The following PRKACB variants were observed in gnomAD, a reference collection of about 807,000 sequenced individuals.
PRKACB encodes the protein cAMP-dependent protein kinase catalytic subunit beta.
PRKACB carries 16 observed loss-of-function variants against 51.4 expected under a neutral mutation model. The observed-to-expected ratio is 0.31, with a 90% CI of 0.21 to 0.47. The LOEUF is 0.47. PRKACB is among the 20% of genes least tolerant of loss of function. The pLI is 1.00. For synonymous variants in PRKACB, 147 were observed against 154.4 expected (o/e 0.95, Z 0.35); for missense variants, 309 against 464.5 (o/e 0.67, Z 3.08).
chr1:84,197,849 A>G (rs1413820297), intron 7 of PRKACB, 25 bp downstream of exon 7: 5 of 1,512,096 alleles, frequency 3.3e-6, no homozygotes, highest in South Asian at 2.3e-5. Flanking sequence ...TCAACACATA[A>G]GAAGTAGAAA....
chr1:84,171,816 T>C (rs1659577900), intron 1 of PRKACB, among the ~76,000 whole-genome samples: 2 of 151,570 alleles, frequency 1.3e-5, no homozygotes, highest in Non-Finnish European at 3.0e-5. Context: ...TAACAGAATC[T>C]GGCAAGATTG....
At chr1:84,161,448 A>G (rs1321922132) in intron 1 of PRKACB, among the ~76,000 whole-genome samples, 1 of 151,760 alleles carries the variant, frequency 6.6e-6, no homozygotes, top group African/African-American at 2.4e-5. Flanking sequence ...TGTTTCTTCC[A>G]TTCATAGTTA....
chr1:84,212,089 C>T (rs1672218450), intron 8 of PRKACB, among the ~76,000 whole-genome samples: 1 of 152,048 alleles, frequency 6.6e-6, no homozygotes, highest in Non-Finnish European at 1.5e-5. Flanking sequence ...ATTTACAGTA[C>T]TGTATTATTT....
chr1:84,100,737 C>T (rs1268455202), intron 1 of PRKACB, among the ~76,000 whole-genome samples: 1 of 152,188 alleles, frequency 6.6e-6, no homozygotes, highest in Non-Finnish European at 1.5e-5. Flanking sequence ...TAGAGTATTA[C>T]ATAGCTTTTT....
intron 1 of PRKACB, among the ~76,000 whole-genome samples, chr1:84,100,213 A>T (rs1468676760): frequency 6.6e-6 from 1 of 152,146 alleles, no homozygotes; most frequent in African/African-American, 2.4e-5. Context: ...AAACTGTCAG[A>T]TCTCGTGAGA....
intron 1 of PRKACB, among the ~76,000 whole-genome samples, chr1:84,125,315 C>G (rs1166713253): frequency 6.6e-6 from 1 of 152,180 alleles, no homozygotes; most frequent in Non-Finnish European, 1.5e-5. Flanking sequence ...GTGTGCTGAT[C>G]ATTCTCACAC....
intron 9 of PRKACB, among the ~76,000 whole-genome samples, chr1:84,224,794 G>C (rs929710435): frequency 2.6e-5 from 4 of 152,202 alleles, no homozygotes; most frequent in African/African-American, 9.7e-5. Context: ...GCCAGAAGCA[G>C]CAAGCAGGGT....
intron 1 of PRKACB, chr1:84,086,267 A>G (rs916354463): frequency 7.1e-5 from 101 of 1,414,792 alleles, no homozygotes; most frequent in Non-Finnish European, 9.9e-5. Context: ...CCTTGCCCCC[A>G]TGGGACCCCA....
intron 1 of PRKACB, chr1:84,157,188 T>C (rs909413994): frequency 7.9e-5 from 12 of 152,180 alleles, no homozygotes; most frequent in African/African-American, 2.9e-4. Flanking sequence ...TTACTTTAAT[T>C]ATCTCTGTTT....
Position 84,197,830 on chromosome 1 carries a change from T to G in PRKACB, c.783+6T>G, listed in dbSNP as rs1668625747. 1 of 1,575,380 alleles carries G rather than the reference T, an allele frequency of 6.3e-7. No homozygotes were observed. Among genetic ancestry groups the G allele is most frequent in the South Asian group, 1.1e-5 (1 of 89,670 alleles). ...CAGAAATAATTCTCAGCAAGGTATATTCATAATATCAACACATAAGAAGTA... is the reference window on the plus strand; with the variant it reads ...CAGAAATAATTCTCAGCAAGGTATAGTCATAATATCAACACATAAGAAGTA... On this transcript the variant is annotated splice_donor_region_variant and intron_variant, in intron 7 of 9. Transcript: ENST00000370685.
At chr1:84,179,077 G>A (rs1354850479) in intron 1 of PRKACB, 100 bp from the exon 2 acceptor site, 5 of 1,298,000 alleles carry the variant, frequency 3.9e-6, no homozygotes, top group Admixed American at 4.5e-5. Context: ...TAGATGACAT[G>A]TCTTTTTTTA....
intron 5 of PRKACB, among the ~76,000 whole-genome samples, chr1:84,194,699 G>A (rs1667715376): frequency 6.6e-6 from 1 of 152,110 alleles, no homozygotes. Flanking sequence ...GCTCAGGCAG[G>A]TGGATCACTT....
At chr1:84,093,740 C>T (rs957961078) in intron 1 of PRKACB, among the ~76,000 whole-genome samples, 1 of 151,824 alleles carries the variant, frequency 6.6e-6, no homozygotes, top group Non-Finnish European at 1.5e-5. Flanking sequence ...TTTAGATCTA[C>T]TTTAACTTCT....
intron 1 of PRKACB, among the ~76,000 whole-genome samples, chr1:84,126,083 T>TG (rs376277749): frequency 0.016 from 197 of 12,480 alleles, 1 homozygote; most frequent in African/African-American, 0.055. Flanking sequence ...TCCTGGGGGG[T>TG]GGGGGGGAGG....
intron 1 of PRKACB, among the ~76,000 whole-genome samples, chr1:84,136,922 A>C (rs1323868153): frequency 6.6e-6 from 1 of 152,180 alleles, no homozygotes; most frequent in African/African-American, 2.4e-5. Context: ...GAGGTAATTG[A>C]ATCATGGAGG....
intron 1 of PRKACB, among the ~76,000 whole-genome samples, chr1:84,119,000 A>G (rs970774748): frequency 6.6e-6 from 1 of 152,208 alleles, no homozygotes; most frequent in Admixed American, 6.6e-5. Context: ...TAATTTTTTA[A>G]GGTAACTTCA....
chr1:84,213,043 G>A (rs979308112), intron 8 of PRKACB, among the ~76,000 whole-genome samples: 2 of 152,136 alleles, frequency 1.3e-5, no homozygotes, highest in South Asian at 2.1e-4. Flanking sequence ...CACTTGTAGA[G>A]AAACAAAATA....
At chr1:84,222,409 A>G (rs947845947) in intron 9 of PRKACB, among the ~76,000 whole-genome samples, 1 of 152,108 alleles carries the variant, frequency 6.6e-6, no homozygotes, top group African/African-American at 2.4e-5. Context: ...TATCTGATTT[A>G]TTTACATTTA....
At chr1:84,234,562 C>T (rs374641319) in intron 9 of PRKACB, among the ~76,000 whole-genome samples, 27 of 151,000 alleles carry the variant, frequency 1.8e-4, no homozygotes, top group African/African-American at 2.9e-4. Flanking sequence ...TAGCAATCAG[C>T]GAGACTCCGT....
Sources: allele counts gnomAD v4.1 joint callset (sites outside exome capture counted in the v4.1 genomes callset), GRCh38; gene constraint gnomAD v4.1.1; transcripts MANE v1.5; gene names NCBI Gene and HGNC (gene_info 2026-07-23, HGNC 2026-07-21).